The following TBCA variants were observed in gnomAD, a reference collection of about 807,000 sequenced individuals.
TBCA encodes tubulin-specific chaperone A.
TBCA carries 6 observed loss-of-function variants against 15.8 expected under a neutral mutation model. The ratio of observed to expected loss-of-function variants is 0.38; its 90% CI spans 0.21 to 0.75. The LOEUF is 0.75. Ranked by LOEUF, TBCA falls within the 30% of genes least tolerant of loss-of-function variation. The pLI, the probability that TBCA is intolerant of heterozygous loss-of-function variation, is 0.46. For missense variants in TBCA, 90 were observed against 131.2 expected (o/e 0.69, Z 1.53); for synonymous variants, 32 against 42.3 (o/e 0.76, Z 0.94).
chr5:77,749,752 C>G (rs1747273637), intron 1 of TBCA, among the ~76,000 whole-genome samples: 1 of 152,104 alleles, frequency 6.6e-6, no homozygotes, highest in Admixed American at 6.5e-5. Context: ...TGTAAAGCAA[C>G]AAACAAGGAA....
intron 1 of TBCA, among the ~76,000 whole-genome samples, chr5:77,743,343 T>C (rs1216095040): frequency 1.3e-5 from 2 of 152,188 alleles, no homozygotes; most frequent in African/African-American, 2.4e-5. Flanking sequence ...CCTGGAGAAA[T>C]GGACATTAAG....
intron 2 of TBCA, among the ~76,000 whole-genome samples, chr5:77,694,699 G>A (rs1288782837): frequency 6.6e-5 from 10 of 152,040 alleles, no homozygotes; most frequent in East Asian, 1.9e-4. Context: ...GGAGATTAAC[G>A]GTAATAATAC....
At chr5:77,702,256 C>T (rs1471848555) in intron 2 of TBCA, among the ~76,000 whole-genome samples, 1 of 152,126 alleles carries the variant, frequency 6.6e-6, no homozygotes, top group African/African-American at 2.4e-5. Flanking sequence ...CAGCTTTTCT[C>T]ACAACAGCAA....
chr5:77,751,402 A>C (rs352567), intron 1 of TBCA, among the ~76,000 whole-genome samples: 93,864 of 151,470 alleles, frequency 0.62, 29,106 homozygotes, highest in African/African-American at 0.64. Context: ...TGGTCTCGAA[A>C]TCCTGACCTC....
intron 1 of TBCA, among the ~76,000 whole-genome samples, chr5:77,763,576 G>A (rs1436235752): frequency 6.6e-6 from 1 of 152,176 alleles, no homozygotes; most frequent in Non-Finnish European, 1.5e-5. Context: ...GAAATCAAGA[G>A]GGTGGAGCCC....
intron 1 of TBCA, 127 bp from the exon 2 acceptor site, chr5:77,708,474 G>C (rs1029119175): frequency 3.6e-6 from 2 of 563,330 alleles, no homozygotes; most frequent in Admixed American, 6.2e-5. Context: ...GGGGGAGGAA[G>C]GAACAGAAGA....
chr5:77,723,459 C>T (rs887218488), intron 1 of TBCA, among the ~76,000 whole-genome samples: 14 of 151,728 alleles, frequency 9.2e-5, no homozygotes, highest in African/African-American at 2.9e-4. Flanking sequence ...TGAAATAGAC[C>T]AGATCATGTG....
intron 2 of TBCA, among the ~76,000 whole-genome samples, chr5:77,705,874 T>C (rs1326079707): frequency 2.0e-5 from 3 of 151,660 alleles, no homozygotes; most frequent in East Asian, 1.9e-4. Flanking sequence ...GGACATACTA[T>C]ATCTACACAT....
intron 1 of TBCA, among the ~76,000 whole-genome samples, chr5:77,714,190 G>T (rs534967152): frequency 6.6e-6 from 1 of 151,980 alleles, no homozygotes; most frequent in South Asian, 2.1e-4. Flanking sequence ...TGTGGTGGCA[G>T]GTGCCTGTAA....
At chr5:77,693,029 T>G (rs561406221) in intron 3 of TBCA, 1 of 1,424,896 alleles carries the variant, frequency 7.0e-7, no homozygotes, top group Non-Finnish European at 9.1e-7. Flanking sequence ...TAAATAAATT[T>G]AACTAGCTAA....
At chr5:77,693,019 T>G in intron 3 of TBCA, 1 of 1,423,480 alleles carries the variant, frequency 7.0e-7, no homozygotes, top group Non-Finnish European at 9.1e-7. Context: ...TATCATAACT[T>G]AAATAAATTT....
At chr5:77,713,450 T>G (rs938388191) in intron 1 of TBCA, among the ~76,000 whole-genome samples, 5 of 152,204 alleles carry the variant, frequency 3.3e-5, no homozygotes, top group Non-Finnish European at 7.3e-5. Flanking sequence ...ATTGGATATT[T>G]AAGCCATTCC....
chr5:77,755,720 A>T (rs1176942071), intron 1 of TBCA, among the ~76,000 whole-genome samples: 1 of 152,152 alleles, frequency 6.6e-6, no homozygotes, highest in Admixed American at 6.5e-5. Context: ...AAAACCAAAT[A>T]GGGGCCGGGT....
chr5:77,764,885 G>C (rs1417368348), intron 1 of TBCA, among the ~76,000 whole-genome samples: 3 of 152,010 alleles, frequency 2.0e-5, no homozygotes, highest in Non-Finnish European at 4.4e-5. Flanking sequence ...GATGTGATCT[G>C]AATCTGGACT....
At chr5:77,718,012 C>T (rs1405704287) in intron 1 of TBCA, among the ~76,000 whole-genome samples, 1 of 151,998 alleles carries the variant, frequency 6.6e-6, no homozygotes, top group East Asian at 1.9e-4. Context: ...GGCCTGTAAT[C>T]CCAGCTACTC....
intron 1 of TBCA, among the ~76,000 whole-genome samples, chr5:77,713,111 C>T (rs964247192): frequency 2.0e-5 from 3 of 152,096 alleles, no homozygotes; most frequent in South Asian, 2.1e-4. Context: ...CTGGGCAACA[C>T]GGCGAGATTT....
At chr5:77,739,649 T>C (rs1222139291) in intron 1 of TBCA, among the ~76,000 whole-genome samples, 2 of 152,230 alleles carry the variant, frequency 1.3e-5, no homozygotes, top group African/African-American at 4.8e-5. Flanking sequence ...TGACGTTTCC[T>C]GCGCTGTTAA....
chr5:77,766,866 C>T (rs2112515239), intron 1 of TBCA, among the ~76,000 whole-genome samples: 1 of 152,274 alleles, frequency 6.6e-6, no homozygotes, highest in African/African-American at 2.4e-5. Context: ...AAACCCTTTT[C>T]TGGTTTCCTC....
intron 1 of TBCA, among the ~76,000 whole-genome samples, chr5:77,759,234 T>C (rs1446590788): frequency 6.6e-6 from 1 of 152,138 alleles, no homozygotes; most frequent in Non-Finnish European, 1.5e-5. Context: ...AAACATATTC[T>C]GATTGGTAAT....
Sources: allele counts gnomAD v4.1 joint callset (sites outside exome capture counted in the v4.1 genomes callset), GRCh38; gene constraint gnomAD v4.1.1; transcripts MANE v1.5; gene names NCBI Gene and HGNC (gene_info 2026-07-23, HGNC 2026-07-21).